Variants in ABCA13 observed in about 807,000 individuals in gnomAD.
The protein encoded by ABCA13 is ATP binding cassette subfamily A member 13, also known as ATP-binding cassette sub-family A member 13.
Under a neutral mutation model 478.7 loss-of-function variants are expected in ABCA13, and 476 were observed. That is an observed-to-expected ratio of 0.99 (90% CI 0.92 to 1.07). The LOEUF (loss-of-function observed/expected upper bound fraction) is 1.07, where lower values mean the gene tolerates loss of function less well. Ranked by LOEUF, ABCA13 falls within the 50% of genes least tolerant of loss-of-function variation. The pLI is 0.00. For synonymous variants in ABCA13, 2,252 were observed against 2,158.9 expected (o/e 1.04, Z -1.20); for missense variants, 6,060 against 5,910.6 (o/e 1.03, Z -0.83).
intron 1 of ABCA13, among the ~76,000 whole-genome samples, chr7:48,186,603 G>T (rs561962071): frequency 1.3e-5 from 2 of 152,114 alleles, no homozygotes; most frequent in East Asian, 3.9e-4. Flanking sequence ...TTAGCCACTA[G>T]TTACTTAAAT....
intron 47 of ABCA13, among the ~76,000 whole-genome samples, chr7:48,485,207 A>G (rs948566863): frequency 6.6e-6 from 1 of 151,978 alleles, no homozygotes; most frequent in Admixed American, 6.5e-5. Flanking sequence ...GGAATTTTAT[A>G]TATTTGAATA....
intron 48 of ABCA13, among the ~76,000 whole-genome samples, chr7:48,493,873 AC>A (rs1413513922): frequency 6.6e-6 from 1 of 152,220 alleles, no homozygotes; most frequent in Non-Finnish European, 1.5e-5. Flanking sequence ...TTTGAGAACC[AC>A]TGGGTTAAAC....
intron 58 of ABCA13, among the ~76,000 whole-genome samples, chr7:48,606,318 C>G (rs1221175753): frequency 6.6e-6 from 1 of 152,124 alleles, no homozygotes; most frequent in African/African-American, 2.4e-5. Flanking sequence ...ATTTTCAAGC[C>G]TTTTTGCTCT....
chr7:48,344,916 C>G (rs1807824596), intron 29 of ABCA13, among the ~76,000 whole-genome samples: 1 of 152,214 alleles, frequency 6.6e-6, no homozygotes, highest in Admixed American at 6.5e-5. Context: ...GATATTGCTT[C>G]TTTCCTCCCA....
intron 48 of ABCA13, among the ~76,000 whole-genome samples, chr7:48,495,834 T>C (rs555217201): frequency 6.6e-6 from 1 of 152,256 alleles, no homozygotes; most frequent in South Asian, 2.1e-4. Flanking sequence ...GGTAGATTAA[T>C]CCTTTGCATA....
intron 45 of ABCA13, among the ~76,000 whole-genome samples, chr7:48,476,412 T>C (rs1454296339): frequency 1.3e-5 from 2 of 152,112 alleles, no homozygotes; most frequent in African/African-American, 4.8e-5. Flanking sequence ...GACTTTTTTA[T>C]ATGTGCCAGC....
rs143714949 is a variant in ABCA13 at position 48,284,610 on chromosome 7, A to G, written c.8836+3158A>G. Among the ~76,000 whole-genome samples the G allele has an allele frequency of 3.4e-3, 515 of 152,342 alleles. 3 individuals are homozygous for G. The highest frequency in any genetic ancestry group is 5.4e-3 in the Non-Finnish European group (366 of 68,022). On this transcript the variant is annotated intron_variant, in intron 19 of 61. Transcript: ENST00000435803. ...AGTCAGCTAATATAATGGTTTTTAA[A>G]TGAATTAAACATTCATTAATGTATG...
chr7:48,384,869 T>A (rs1224610639), intron 35 of ABCA13, among the ~76,000 whole-genome samples: 2 of 152,212 alleles, frequency 1.3e-5, no homozygotes, highest in Non-Finnish European at 2.9e-5. Flanking sequence ...GGCTTGCAGA[T>A]GGCATTGTCT....
intron 27 of ABCA13, among the ~76,000 whole-genome samples, chr7:48,327,398 G>A (rs1804503450): frequency 6.6e-6 from 1 of 152,126 alleles, no homozygotes; most frequent in Non-Finnish European, 1.5e-5. Context: ...ATGACACGTG[G>A]GGATTAGGGG....
chr7:48,400,611 G>T (rs1376871660), intron 38 of ABCA13, among the ~76,000 whole-genome samples: 2 of 152,192 alleles, frequency 1.3e-5, no homozygotes, highest in Non-Finnish European at 2.9e-5. Flanking sequence ...CTTCTGGCCA[G>T]TGTTTACAAA....
intron 45 of ABCA13, among the ~76,000 whole-genome samples, chr7:48,474,282 C>CA (rs1326307933): frequency 6.6e-6 from 1 of 152,026 alleles, no homozygotes; most frequent in African/African-American, 2.4e-5. Flanking sequence ...ATACCCTTTT[C>CA]ATAGGGGAAG....
intron 15 of ABCA13, among the ~76,000 whole-genome samples, chr7:48,249,591 C>A (rs1334679382): frequency 2.6e-5 from 4 of 152,146 alleles, no homozygotes; most frequent in African/African-American, 9.7e-5. Context: ...ATAGTGACTG[C>A]TTTTACTCTC....
At chr7:48,294,396 A>G (rs1256869233) in intron 20 of ABCA13, among the ~76,000 whole-genome samples, 5 of 150,724 alleles carry the variant, frequency 3.3e-5, no homozygotes, top group African/African-American at 1.2e-4. Context: ...CATCCCTGGT[A>G]ACCACCACCC....
Position 48,229,731 on chromosome 7 carries a change from G to A in ABCA13, c.633-94G>A, listed in dbSNP as rs993259662. Reference sequence around the variant, plus strand: ...GCCACATCTTGCAACAGCACTAGGGGCCCAGTCCATGGGATGTAAGTAAAC... The same window carrying A: ...GCCACATCTTGCAACAGCACTAGGGACCCAGTCCATGGGATGTAAGTAAAC... On this transcript the variant is annotated intron_variant, in intron 6 of 61. Transcript: ENST00000435803. The A allele has an allele frequency of 8.2e-6, 12 of 1,464,246 alleles. No individual in the cohort carries two copies. In the South Asian group the frequency reaches 9.9e-5, roughly 12 times the overall value. The allele number at this position is 1,464,246 out of a possible 1,614,324, so 90.7% of individuals were successfully genotyped here.
chr7:48,577,081 T>C (rs1788256460), intron 55 of ABCA13, among the ~76,000 whole-genome samples: 1 of 152,148 alleles, frequency 6.6e-6, no homozygotes, highest in Non-Finnish European at 1.5e-5. Flanking sequence ...GCAAAAGTTG[T>C]GCTTAAAGGA....
chr7:48,360,002 A>C (rs1810565202), intron 31 of ABCA13, among the ~76,000 whole-genome samples: 1 of 152,162 alleles, frequency 6.6e-6, no homozygotes, highest in African/African-American at 2.4e-5. Flanking sequence ...TTAAAGAAGT[A>C]AGAGAGTTTA....
intron 59 of ABCA13, among the ~76,000 whole-genome samples, chr7:48,623,368 T>C (rs1793342754): frequency 1.3e-5 from 2 of 152,198 alleles, no homozygotes; most frequent in African/African-American, 4.8e-5. Flanking sequence ...AGAAATCTGC[T>C]TAATTATTGA....
chr7:48,317,899 T>C (rs371665736), intron 27 of ABCA13, among the ~76,000 whole-genome samples: 4 of 152,354 alleles, frequency 2.6e-5, no homozygotes, highest in South Asian at 4.1e-4. Flanking sequence ...GCAGGATTTG[T>C]TATTATTAAT....
chr7:48,508,598 A>AT (rs1831415852), intron 50 of ABCA13, among the ~76,000 whole-genome samples: 1 of 152,048 alleles, frequency 6.6e-6, no homozygotes, highest in Non-Finnish European at 1.5e-5. Flanking sequence ...AGTAAAAAAA[A>AT]GCATCTTATA....
Sources: gnomAD v4.1 joint callset for allele counts (sites outside exome capture counted in the v4.1 genomes callset) on GRCh38, gnomAD v4.1.1 for gene constraint, MANE v1.5 for transcripts, NCBI Gene and HGNC (gene_info 2026-07-23, HGNC 2026-07-21) for gene names.